Variants in MTFR1 observed in about 807,000 individuals in gnomAD.
The protein encoded by MTFR1 is chondrocyte protein with a poly-proline region.
Under a neutral mutation model 38.8 loss-of-function variants are expected in MTFR1, and 28 were observed. That is an observed-to-expected ratio of 0.72 (90% CI 0.53 to 0.99). The LOEUF (loss-of-function observed/expected upper bound fraction) is 0.99, where lower values mean the gene tolerates loss of function less well. Ranked by LOEUF, MTFR1 falls within the 50% of genes least tolerant of loss-of-function variation. The pLI is 0.00. For missense variants in MTFR1, 358 were observed against 395.5 expected (o/e 0.91, Z 0.81); for synonymous variants, 145 against 137.0 (o/e 1.06, Z -0.41).
chr8:65,718,526 G>A (rs1806237032), intron 2 of MTFR1: 1 of 152,360 alleles, frequency 6.6e-6, no homozygotes. Flanking sequence ...AATACAGCTA[G>A]GACATTGGTG....
rs115577074 is a variant in MTFR1, at chr8:65,745,093, A to G, written c.*48+25612A>G. ...AAGTCTAACGAGATCTGATGATTTC[A>G]TAAGGGGTTTCCCCTTTTGCTTGGC... is the stretch of plus-strand genomic sequence containing the variant. On this transcript the variant is annotated intron_variant, in intron 3 of 3. Coordinates refer to the MTFR1 transcript ENST00000521247. Among the ~76,000 whole-genome samples the G allele has an allele frequency of 4.1e-3, 627 of 152,338 alleles. 4 individuals are homozygous for G. The highest frequency in any genetic ancestry group is 0.013 in the African/African-American group (560 of 41,568).
intron 1 of MTFR1, among the ~76,000 whole-genome samples, chr8:65,647,246 G>A (rs936878221): frequency 1.3e-5 from 2 of 152,182 alleles, no homozygotes; most frequent in Admixed American, 6.5e-5. Context: ...ATGAGGAAAG[G>A]ACCAGACAGA....
intron 3 of MTFR1, among the ~76,000 whole-genome samples, chr8:65,757,649 C>T (rs764900351): frequency 2.6e-5 from 4 of 152,130 alleles, no homozygotes; most frequent in African/African-American, 4.8e-5. Context: ...GACTGAGTCT[C>T]GCTCTGTCGC....
intron 7 of MTFR1, 138 bp downstream of exon 7, chr8:65,708,149 C>G: frequency 6.4e-7 from 1 of 1,552,694 alleles, no homozygotes; most frequent in Non-Finnish European, 8.8e-7. Context: ...CCCTGCCTTA[C>G]AAGTAGATCA....
chr8:65,771,816 A>G (rs1585904663), downstream of MTFR1, among the ~76,000 whole-genome samples: 1 of 144,652 alleles, frequency 6.9e-6, no homozygotes, highest in South Asian at 2.3e-4. Flanking sequence ...TGGAGGCTGC[A>G]GTGAGCCACG....
intron 1 of MTFR1, among the ~76,000 whole-genome samples, chr8:65,656,895 C>T (rs1809284702): frequency 1.3e-5 from 2 of 152,150 alleles, no homozygotes; most frequent in African/African-American, 2.4e-5. Flanking sequence ...ATTCTCCTGC[C>T]TCAGCTTCCC....
rs911307966 is a variant in MTFR1, at chr8:65,699,682, C to A, written c.282-5012C>A. Reference sequence around the variant, plus strand: ...GAGCAAAAGTTCACCATGTGGATCTCTACACGCTGCTCTGTTTGTCCAAGT... The same window carrying A: ...GAGCAAAAGTTCACCATGTGGATCTATACACGCTGCTCTGTTTGTCCAAGT... On this transcript the variant is annotated intron_variant, in intron 4 of 7. Coordinates refer to ENST00000262146, the MANE Select transcript of MTFR1 (RefSeq NM_014637.4). Among the ~76,000 whole-genome samples, 12 of 152,336 alleles carry A rather than the reference C, an allele frequency of 7.9e-5. No homozygotes were observed. In the South Asian group the frequency reaches 2.5e-3, roughly 32 times the overall value.
chr8:65,663,738 T>G (rs1804281374), intron 1 of MTFR1, among the ~76,000 whole-genome samples: 1 of 151,698 alleles, frequency 6.6e-6, no homozygotes, highest in Non-Finnish European at 1.5e-5. Context: ...TTGGGAAATG[T>G]TAGGCAGTTT....
At chr8:65,698,973 C>G (rs1000428258) in intron 4 of MTFR1, among the ~76,000 whole-genome samples, 13 of 152,200 alleles carry the variant, frequency 8.5e-5, no homozygotes, top group African/African-American at 3.1e-4. Flanking sequence ...AGGTGGTCAC[C>G]TGCCTTGGCC....
chr8:65,664,089 T>TGTAATCC (rs1364126619), intron 1 of MTFR1, among the ~76,000 whole-genome samples: 1 of 152,152 alleles, frequency 6.6e-6, no homozygotes, highest in Admixed American at 6.6e-5. Flanking sequence ...GTGTCAGGAT[T>TGTAATCC]ACAGGCGTGA....
At chr8:65,650,526 C>T (rs1448567953) in intron 1 of MTFR1, among the ~76,000 whole-genome samples, 2 of 152,060 alleles carry the variant, frequency 1.3e-5, no homozygotes, top group Admixed American at 1.3e-4. Context: ...TTTTAGGTCC[C>T]GTAATAAGTG....
intron 3 of MTFR1, among the ~76,000 whole-genome samples, chr8:65,685,405 G>A (rs1805041722): frequency 6.6e-6 from 1 of 152,180 alleles, no homozygotes; most frequent in Non-Finnish European, 1.5e-5. Context: ...TGGCTGTGTG[G>A]TTATAGTAGT....
intron 2 of MTFR1, among the ~76,000 whole-genome samples, chr8:65,674,917 T>C (rs1166611738): frequency 6.6e-6 from 1 of 152,180 alleles, no homozygotes; most frequent in East Asian, 1.9e-4. Flanking sequence ...GTGAACCCAA[T>C]TCTGATTCCA....
At chr8:65,743,571 G>A (rs1405220208) in intron 3 of MTFR1, among the ~76,000 whole-genome samples, 1 of 152,226 alleles carries the variant, frequency 6.6e-6, no homozygotes, top group East Asian at 1.9e-4. Flanking sequence ...AGAAGGTATA[G>A]ACAAAGGTAT....
downstream of MTFR1, among the ~76,000 whole-genome samples, chr8:65,715,541 C>A (rs1454140589): frequency 6.6e-6 from 1 of 151,624 alleles, no homozygotes; most frequent in Non-Finnish European, 1.5e-5. Flanking sequence ...CCACGCCCAG[C>A]TAATTTTTGC....
chr8:65,693,837 T>C, intron 4 of MTFR1, 78 bp downstream of exon 4: 2 of 1,060,248 alleles, frequency 1.9e-6, no homozygotes, highest in Non-Finnish European at 2.9e-6. Flanking sequence ...GTACTTATTT[T>C]TAATAGCCTA....
chr8:65,719,002 G>A, intron 2 of MTFR1: 1 of 436,078 alleles, frequency 2.3e-6, no homozygotes, highest in Non-Finnish European at 4.2e-6. Flanking sequence ...AAAAGTCGTG[G>A]CACATATCAA....
intron 3 of MTFR1, among the ~76,000 whole-genome samples, chr8:65,745,630 CA>C (rs1807640226): frequency 6.6e-6 from 1 of 151,852 alleles, no homozygotes; most frequent in East Asian, 1.9e-4. Flanking sequence ...CAACTGGCTC[CA>C]AAAAAATGCC....
chr8:65,709,362 C>A lies in MTFR1; in HGVS notation c.*318C>A. On this transcript the variant is annotated 3_prime_UTR_variant, in exon 8 of 8. Transcript: ENST00000262146. ...AAGGACATTTGTGGATGTTACTGCA[C>A]ATTTTAAATTCTTAACACTAATTTA... is the stretch of plus-strand genomic sequence containing the variant. The A allele has an allele frequency of 4.1e-6, 1 of 241,226 alleles. No homozygotes were observed. Among genetic ancestry groups the A allele is most frequent in the Non-Finnish European group, 8.1e-6 (1 of 123,358 alleles). 14.9% of individuals were successfully genotyped at this position (241,226 alleles called of 1,614,324 possible).
Sources: allele counts gnomAD v4.1 joint callset (sites outside exome capture counted in the v4.1 genomes callset), GRCh38; gene constraint gnomAD v4.1.1; transcripts MANE v1.5; gene names NCBI Gene and HGNC (gene_info 2026-07-23, HGNC 2026-07-21).